The following MEGF11 variants were observed in gnomAD, a reference collection of about 807,000 sequenced individuals.
MEGF11 encodes multiple EGF like domains 11, also known as multiple epidermal growth factor-like domains protein 11.
Under a neutral mutation model 146.6 loss-of-function variants are expected in MEGF11, and 126 were observed. The observed-to-expected ratio is 0.86, with a 90% CI of 0.74 to 1.00. The LOEUF (loss-of-function observed/expected upper bound fraction) is 1.00, where lower values mean the gene tolerates loss of function less well. Ranked by LOEUF, MEGF11 falls within the 50% of genes least tolerant of loss-of-function variation. MEGF11 has a pLI of 0.00. For missense variants in MEGF11, 1,509 were observed against 1,521.2 expected (o/e 0.99, Z 0.13); for synonymous variants, 532 against 583.4 (o/e 0.91, Z 1.27).
chr15:66,014,538 A>G (rs2140131570), intron 5 of MEGF11, among the ~76,000 whole-genome samples: 1 of 152,260 alleles, frequency 6.6e-6, no homozygotes, highest in Non-Finnish European at 1.5e-5. Context: ...ACTTGTAAAA[A>G]CAAATCTGGG....
chr15:65,990,570 C>CAAGGGAAGAAAGG (rs1424505011), intron 5 of MEGF11, among the ~76,000 whole-genome samples: 3 of 91,182 alleles, frequency 3.3e-5, no homozygotes, highest in Non-Finnish European at 6.7e-5. Flanking sequence ...AACAAGCAAG[C>CAAGGGAAGAAAGG]AAGGGAAGAA....
chr15:65,957,795 C>G, intron 9 of MEGF11, 74 bp from the exon 10 acceptor site: 2 of 1,476,848 alleles, frequency 1.4e-6, no homozygotes, highest in Admixed American at 1.8e-5. Context: ...CTGTCTACCC[C>G]AAGCCTGGCT....
chr15:66,072,899 A>T (rs1397265643), intron 5 of MEGF11, among the ~76,000 whole-genome samples: 1 of 152,182 alleles, frequency 6.6e-6, no homozygotes, highest in Non-Finnish European at 1.5e-5. Context: ...GCCTTGCCCT[A>T]TGGGCCCTCT....
intron 8 of MEGF11, among the ~76,000 whole-genome samples, chr15:65,965,592 CTTTCTT>C (rs2081046553): frequency 6.1e-5 from 1 of 16,492 alleles, no homozygotes; most frequent in African/African-American, 1.3e-4. Flanking sequence ...TTCTTTCTTT[CTTTCTT>C]TCTTTTTTTT....
At chr15:66,222,624 G>T (rs1028071462) in intron 1 of MEGF11, among the ~76,000 whole-genome samples, 1 of 152,146 alleles carries the variant, frequency 6.6e-6, no homozygotes, top group Non-Finnish European at 1.5e-5. Context: ...TAGTAGGCTG[G>T]CTCATTCGCT....
chr15:66,222,481 C>G (rs1364263911), intron 1 of MEGF11, among the ~76,000 whole-genome samples: 1 of 152,208 alleles, frequency 6.6e-6, no homozygotes, highest in Admixed American at 6.5e-5. Context: ...CTATATCTCT[C>G]TGACTCCTTG....
intron 1 of MEGF11, among the ~76,000 whole-genome samples, chr15:66,196,634 G>A (rs1015504420): frequency 6.6e-5 from 10 of 152,202 alleles, no homozygotes; most frequent in Admixed American, 6.5e-4. Flanking sequence ...AGAGTGGGAA[G>A]AACGGCTCTT....
intron 5 of MEGF11, among the ~76,000 whole-genome samples, chr15:66,053,589 C>T (rs1357117441): frequency 6.6e-6 from 1 of 152,012 alleles, no homozygotes; most frequent in Non-Finnish European, 1.5e-5. Context: ...TTAGTTGCCA[C>T]CCTCAGGGCC....
intron 21 of MEGF11, among the ~76,000 whole-genome samples, chr15:65,910,405 C>T (rs996588277): frequency 2.6e-5 from 4 of 152,154 alleles, no homozygotes; most frequent in African/African-American, 7.2e-5. Flanking sequence ...TCCTGACTTG[C>T]GTGCCTTGCT....
At chr15:66,014,208 T>G (rs1269100724) in intron 5 of MEGF11, among the ~76,000 whole-genome samples, 1 of 152,202 alleles carries the variant, frequency 6.6e-6, no homozygotes, top group African/African-American at 2.4e-5. Context: ...AGAGTAACTG[T>G]GGGGACTCCT....
At chr15:66,025,174 C>T (rs755540533) in intron 5 of MEGF11, among the ~76,000 whole-genome samples, 1 of 152,256 alleles carries the variant, frequency 6.6e-6, no homozygotes, top group Non-Finnish European at 1.5e-5. Context: ...CTCTCTCTTC[C>T]AGCAAGTCTA....
At chr15:66,215,233 T>A (rs1156735246) in intron 1 of MEGF11, among the ~76,000 whole-genome samples, 1 of 152,112 alleles carries the variant, frequency 6.6e-6, no homozygotes, top group Non-Finnish European at 1.5e-5. Context: ...CATCGCTTTG[T>A]ATCTTCGCAT....
At chr15:66,111,976 G>A (rs998326779) in intron 4 of MEGF11, among the ~76,000 whole-genome samples, 7 of 151,944 alleles carry the variant, frequency 4.6e-5, no homozygotes, top group Non-Finnish European at 7.4e-5. Flanking sequence ...ATCTTGAACC[G>A]GGGGAAACCA....
chr15:66,123,909 T>G lies in MEGF11; in HGVS notation c.190A>C (p.Thr64Pro). 6.2e-7 allele frequency: 1 copy of G among 1,613,664 alleles called. No individual in the cohort carries two copies. The highest frequency in any genetic ancestry group is 8.5e-7 in the Non-Finnish European group (1 of 1,179,550). ...CTDILNWFKC[T>P]RHRISYKTAY... ...GAGAGAGGTACTCACCGGTGCCTGGTGCACTTGAACCAGTTGAGGATGTCT... is the reference window on the plus strand; with the variant it reads ...GAGAGAGGTACTCACCGGTGCCTGGGGCACTTGAACCAGTTGAGGATGTCT... The change falls in exon 3 of 26, where the codon ACC becomes CCC. Residue 64 changes from threonine to proline, a missense_variant. Physicochemically the swap from Thr to Pro is conservative, Grantham distance 38. Transcript: ENST00000395614.
chr15:66,039,774 G>A (rs1435172721), intron 5 of MEGF11, among the ~76,000 whole-genome samples: 1 of 148,396 alleles, frequency 6.7e-6, no homozygotes, highest in South Asian at 2.3e-4. Flanking sequence ...GCGGTGGGGT[G>A]ACGGTCCTGA....
intron 1 of MEGF11, among the ~76,000 whole-genome samples, chr15:66,206,444 C>T (rs2091301087): frequency 6.6e-6 from 1 of 152,100 alleles, no homozygotes; most frequent in African/African-American, 2.4e-5. Context: ...CAGAAGCAAA[C>T]CCCTAACAAG....
intron 1 of MEGF11, among the ~76,000 whole-genome samples, chr15:66,239,230 C>T (rs970547593): frequency 2.0e-5 from 3 of 152,312 alleles, no homozygotes; most frequent in African/African-American, 7.2e-5. Context: ...ACTCCATAGG[C>T]AATGATGAGC....
intron 21 of MEGF11, among the ~76,000 whole-genome samples, chr15:65,911,328 T>G (rs1338127755): frequency 6.6e-6 from 1 of 152,272 alleles, no homozygotes; most frequent in Non-Finnish European, 1.5e-5. Context: ...GGTGGTTATC[T>G]GAATAACAGT....
At chr15:65,980,699 G>C (rs1204537798) in intron 7 of MEGF11, 79 bp downstream of exon 7, 43 of 1,462,634 alleles carry the variant, frequency 2.9e-5, no homozygotes, top group Non-Finnish European at 3.7e-5. Context: ...TGCCCGGCTA[G>C]TTTAGCCTTT....
Sources: allele counts gnomAD v4.1 joint callset (sites outside exome capture counted in the v4.1 genomes callset), GRCh38; gene constraint gnomAD v4.1.1; transcripts MANE v1.5; gene names NCBI Gene and HGNC (gene_info 2026-07-23, HGNC 2026-07-21).